The following ABCA5 variants were observed in gnomAD, a reference collection of about 807,000 sequenced individuals.
ABCA5 encodes cholesterol transporter ABCA5.
Under a neutral mutation model 206.0 loss-of-function variants are expected in ABCA5, and 163 were observed. That is an observed-to-expected ratio of 0.79 (90% CI 0.70 to 0.90). ABCA5 has a LOEUF of 0.90. ABCA5 is among the 40% of genes least tolerant of loss of function. ABCA5 has a pLI of 0.00. For missense variants in ABCA5, 1,859 were observed against 1,912.9 expected (o/e 0.97, Z 0.53); for synonymous variants, 609 against 613.8 (o/e 0.99, Z 0.11).
In ABCA5 at chr17:69,294,237, CAG is replaced by C. The variant is rs202169798; in HGVS notation, c.1495+416_1495+417del. 6.7e-3 allele frequency among the ~76,000 whole-genome samples: 1,013 copies of C among 152,104 alleles called. 14 individuals are homozygous for C. The highest frequency in any genetic ancestry group is 0.023 in the African/African-American group (941 of 41,500). On this transcript the variant is annotated intron_variant, in intron 11 of 38. Transcript: ENST00000392676. ...ACGAAAGTATCTCAAAAAAGCAAGACAGGGGCTGGGCGCAGTGGCTCATGCCT... is the reference window on the plus strand; with the variant it reads ...ACGAAAGTATCTCAAAAAAGCAAGACGGGCTGGGCGCAGTGGCTCATGCCT...
In ABCA5 at chr17:69,259,698, C is replaced by A; in HGVS notation, c.3731+8G>T. The A allele has an allele frequency of 6.4e-7, 1 of 1,564,706 alleles. No individual in the cohort carries two copies. The highest frequency in any genetic ancestry group is 8.8e-7 in the Non-Finnish European group (1 of 1,141,372). Reference sequence around the variant, plus strand: ...AAAACATTTAAAATTTTTAAAAAATCAACTGACCTGAAAAAGGGATCTTTT... The same window carrying A: ...AAAACATTTAAAATTTTTAAAAAATAAACTGACCTGAAAAAGGGATCTTTT... On this transcript the variant is annotated splice_region_variant and intron_variant, in intron 28 of 38. Coordinates refer to ENST00000392676, the MANE Select transcript of ABCA5 (RefSeq NM_172232.4).
chr17:69,283,399 G>A (rs144820323), intron 18 of ABCA5, among the ~76,000 whole-genome samples: 2,587 of 152,112 alleles, frequency 0.017, 73 homozygotes, highest in African/African-American at 0.058. Context: ...CAACCAGAAC[G>A]TGTTTTTTTA....
chr17:69,255,667 C>T (rs1411538601), intron 30 of ABCA5, 33 bp from the exon 31 acceptor site: 1 of 1,572,700 alleles, frequency 6.4e-7, no homozygotes, highest in African/African-American at 1.4e-5. Context: ...AAATCATAAT[C>T]AAATCATACT....
intron 1 of ABCA5, among the ~76,000 whole-genome samples, chr17:69,320,895 G>A (rs963099953): frequency 3.3e-5 from 5 of 152,192 alleles, no homozygotes; most frequent in Non-Finnish European, 7.3e-5. Context: ...ATGAGGTGCT[G>A]GGGAAAATAT....
rs1341066284 is a variant in ABCA5 at position 69,303,286 on chromosome 17, T to C, written c.931-380A>G. Among the ~76,000 whole-genome samples the C allele has an allele frequency of 2.6e-5, 4 of 152,058 alleles. No homozygotes were observed. In the East Asian group the frequency reaches 5.8e-4, roughly 22 times the overall value. ...GCGTGGGGCACCACGTCCAGCATTT[T>C]AGTATTTTTTTTGTAGAGACAGGGT... On this transcript the variant is annotated intron_variant, in intron 7 of 38. Transcript: ENST00000392676.
At position 69,254,301 on chromosome 17, in the gene ABCA5, G is replaced by C; in HGVS notation, c.4244+14C>G. On this transcript the variant is annotated intron_variant, in intron 32 of 38. Coordinates refer to ENST00000392676, the MANE Select transcript of ABCA5 (RefSeq NM_172232.4). The stretch of plus-strand genomic sequence containing the variant: ...CTCTAAGTAACAAAAGGAATCTAAA[G>C]ACAATTATTTTACCGACTTATGACT... 1 of 1,579,602 alleles carries C rather than the reference G, an allele frequency of 6.3e-7. No individual in the cohort carries two copies. Among genetic ancestry groups the C allele is most frequent in the Non-Finnish European group, 8.6e-7 (1 of 1,161,504 alleles).
chr17:69,292,150 A>G, intron 11 of ABCA5, among the ~76,000 whole-genome samples: 1 of 152,084 alleles, frequency 6.6e-6, no homozygotes, highest in East Asian at 1.9e-4. Context: ...TAAGAAGGCT[A>G]ACATATAAAA....
rs370111415 is a variant in ABCA5, at chr17:69,263,977, T to C, written c.3315+758A>G. Reference sequence around the variant, plus strand: ...TCCCAGAGTGCTGGGATTATAGGCATGAGCCCCCGCGCCCAGCTTATGTAG... The same window carrying C: ...TCCCAGAGTGCTGGGATTATAGGCACGAGCCCCCGCGCCCAGCTTATGTAG... On this transcript the variant is annotated intron_variant, in intron 24 of 38. Coordinates refer to ENST00000392676, the MANE Select transcript of ABCA5 (RefSeq NM_172232.4). 1.4e-4 allele frequency among the ~76,000 whole-genome samples: 22 copies of C among 152,314 alleles called. No individual in the cohort carries two copies. In the South Asian group the frequency reaches 4.4e-3, roughly 30 times the overall value.
Position 69,247,229 on chromosome 17 carries a change from C to A in ABCA5, c.*308G>T, listed in dbSNP as rs573190512. The A allele has an allele frequency of 3.8e-4, 71 of 186,310 alleles. No homozygotes were observed. The highest frequency in any genetic ancestry group is 7.9e-4 in the Admixed American group (13 of 16,354). 11.5% of individuals were successfully genotyped at this position (186,310 alleles called of 1,614,324 possible). A position where few individuals can be genotyped will look rare whatever the true frequency, so the allele number is the denominator to read the frequency against. On this transcript the variant is annotated 3_prime_UTR_variant, in exon 39 of 39. Transcript: ENST00000392676. ...ACTTAAAGATAACTTAAAAATAAAA[C>A]TATTCTATTACAATTCCTTTAAATC...
At position 69,246,935 on chromosome 17, in the gene ABCA5, A is replaced by G. The variant is rs1269719399; in HGVS notation, c.*602T>C. 1 of 151,992 alleles carries G rather than the reference A, an allele frequency of 6.6e-6. No individual in the cohort carries two copies. The highest frequency in any genetic ancestry group is 1.5e-5 in the Non-Finnish European group (1 of 67,832). 9.4% of individuals were successfully genotyped at this position (151,992 alleles called of 1,614,324 possible). On this transcript the variant is annotated 3_prime_UTR_variant, in exon 39 of 39. Coordinates refer to ENST00000392676, the MANE Select transcript of ABCA5 (RefSeq NM_172232.4). ...TAATTACCTAAGCCTAAAATCATGT[A>G]CTAGAACAAGGGCTCATTTCACTTA...
intron 18 of ABCA5, among the ~76,000 whole-genome samples, chr17:69,280,524 C>T (rs1248127229): frequency 2.6e-5 from 4 of 150,964 alleles, no homozygotes; most frequent in Admixed American, 1.3e-4. Context: ...CCCAGCCATC[C>T]CATTACTGGG....
At chr17:69,272,903 T>G (rs542671003) in intron 20 of ABCA5, among the ~76,000 whole-genome samples, 1 of 152,316 alleles carries the variant, frequency 6.6e-6, no homozygotes, top group South Asian at 2.1e-4. Flanking sequence ...CTTTTTTGAA[T>G]TAGTGAATCA....
intron 1 of ABCA5, among the ~76,000 whole-genome samples, chr17:69,319,428 T>C (rs1402620455): frequency 6.6e-6 from 1 of 152,244 alleles, no homozygotes; most frequent in South Asian, 2.1e-4. Flanking sequence ...AAGGGCCTTG[T>C]CTAAAAAACC....
At chr17:69,261,011 T>C in intron 26 of ABCA5, 114 bp downstream of exon 26, 2 of 790,660 alleles carry the variant, frequency 2.5e-6, no homozygotes, top group Non-Finnish European at 3.9e-6. Flanking sequence ...CTAAATCAAG[T>C]AGTAGCCATT....
chr17:69,258,580 T>C (rs1414392913), intron 28 of ABCA5, among the ~76,000 whole-genome samples: 1 of 152,148 alleles, frequency 6.6e-6, no homozygotes, highest in Non-Finnish European at 1.5e-5. Flanking sequence ...GTTGAAAAAC[T>C]ACCTATTAGG....
intron 9 of ABCA5, among the ~76,000 whole-genome samples, 184 bp downstream of exon 9, chr17:69,300,955 T>C (rs1330349986): frequency 6.6e-6 from 1 of 152,210 alleles, no homozygotes; most frequent in Non-Finnish European, 1.5e-5. Context: ...GATCTCTTTA[T>C]GTTCACTAGT....
At position 69,254,585 on chromosome 17, in the gene ABCA5, A is replaced by G. The variant is rs2075053599; in HGVS notation, c.4069-95T>C. 3 of 875,204 alleles carry G rather than the reference A, an allele frequency of 3.4e-6. No homozygotes were observed. In the South Asian group the frequency reaches 5.8e-5, roughly 17 times the overall value. 54.2% of individuals were successfully genotyped at this position (875,204 alleles called of 1,614,324 possible). ...AATTAAAACCCCTTCCTACAGCCAG[A>G]CTAATATCAAGTCAGATTTGTACTC... On this transcript the variant is annotated intron_variant, in intron 31 of 38. Coordinates refer to ENST00000392676, the MANE Select transcript of ABCA5 (RefSeq NM_172232.4).
At chr17:69,263,788 C>T (rs2075177588) in intron 24 of ABCA5, among the ~76,000 whole-genome samples, 1 of 147,364 alleles carries the variant, frequency 6.8e-6, no homozygotes, top group Non-Finnish European at 1.5e-5. Flanking sequence ...CCTCTACCTC[C>T]CCGGTTCAAG....
chr17:69,281,347 T>C (rs1467132551), intron 18 of ABCA5, among the ~76,000 whole-genome samples: 3 of 152,076 alleles, frequency 2.0e-5, no homozygotes, highest in South Asian at 4.1e-4. Flanking sequence ...AGTATATTAG[T>C]ACTCAAGATA....
Sources: allele counts gnomAD v4.1 joint callset (sites outside exome capture counted in the v4.1 genomes callset), GRCh38; gene constraint gnomAD v4.1.1; transcripts MANE v1.5; gene names NCBI Gene and HGNC (gene_info 2026-07-23, HGNC 2026-07-21).